WDR72: variants seen among roughly 807,000 people sequenced by gnomAD.
WDR72 encodes WD repeat domain 72.
A neutral mutation model predicts 124.2 loss-of-function variants in WDR72; 120 were observed. The ratio of observed to expected loss-of-function variants is 0.97; its 90% confidence interval spans 0.83 to 1.12. WDR72 has a LOEUF of 1.12. Among genes scored for constraint, WDR72 ranks in the 50% most tolerant of loss-of-function variants. The pLI, the probability that WDR72 is intolerant of heterozygous loss-of-function variation, is 0.00. For synonymous variants in WDR72, 452 were observed against 441.7 expected (o/e 1.02, Z -0.29); for missense variants, 1,387 against 1,278.8 (o/e 1.08, Z -1.29).
chr15:53,558,895 T>C (rs532110997), intron 18 of WDR72, among the ~76,000 whole-genome samples: 5 of 152,116 alleles, frequency 3.3e-5, no homozygotes, highest in African/African-American at 1.2e-4. Flanking sequence ...TTAATGAAAC[T>C]TAACTTTTTA....
chr15:53,584,615 G>A (rs1489480528), intron 18 of WDR72, among the ~76,000 whole-genome samples: 1 of 152,018 alleles, frequency 6.6e-6, no homozygotes. Context: ...GCTTTTGTCA[G>A]TTTCTGCTTT....
rs560339528 is a variant in WDR72, at chr15:53,695,235, A to G, written c.1765+4515T>C. Among the ~76,000 whole-genome samples, 13 of 152,376 alleles carry G rather than the reference A, an allele frequency of 8.5e-5. No homozygotes were observed. The South Asian group carries it at 1.9e-3, about 22-fold the overall frequency. On this transcript the variant is annotated intron_variant, in intron 13 of 19. Transcript: ENST00000360509. ...AACAGAAGACCTTCAACAGAAAGTT[A>G]CATTAATAACACACAAGAAATTCAT...
At chr15:53,533,249 T>A (rs961388812) in intron 18 of WDR72, among the ~76,000 whole-genome samples, 10 of 152,090 alleles carry the variant, frequency 6.6e-5, no homozygotes, top group Non-Finnish European at 1.3e-4. Flanking sequence ...TAAGAGTATC[T>A]CAAGAAGAGA....
intron 6 of WDR72, among the ~76,000 whole-genome samples, chr15:53,714,118 G>A (rs1437448056): frequency 1.3e-5 from 2 of 151,760 alleles, no homozygotes; most frequent in African/African-American, 4.8e-5. Context: ...GAAAAAAGGG[G>A]GATTTCCTCT....
chr15:53,735,939 T>TA (rs60176003), intron 1 of WDR72, among the ~76,000 whole-genome samples: 10,865 of 151,918 alleles, frequency 0.072, 758 homozygotes, highest in African/African-American at 0.19. Flanking sequence ...ACATAATCGT[T>TA]AAAATATAAC....
At chr15:53,626,771 C>T (rs1024099602) in intron 14 of WDR72, among the ~76,000 whole-genome samples, 2 of 152,134 alleles carry the variant, frequency 1.3e-5, no homozygotes, top group Non-Finnish European at 2.9e-5. Flanking sequence ...GTTGCAAGCT[C>T]CATGTTTAAA....
At chr15:53,604,485 T>C (rs563457432) in intron 17 of WDR72, among the ~76,000 whole-genome samples, 2 of 152,298 alleles carry the variant, frequency 1.3e-5, no homozygotes, top group African/African-American at 4.8e-5. Flanking sequence ...GCAAATGGGA[T>C]CTAATTAAAC....
intron 18 of WDR72, among the ~76,000 whole-genome samples, chr15:53,541,541 GA>G (rs869032535): frequency 6.6e-6 from 1 of 151,464 alleles, no homozygotes; most frequent in African/African-American, 2.4e-5. Flanking sequence ...CAAAGATGGG[GA>G]AAAAACAGAA....
chr15:53,755,968 A>G lies in WDR72; in HGVS notation c.-13+3665T>C, dbSNP rs538232325. Among the ~76,000 whole-genome samples the G allele has an allele frequency of 3.9e-5, 6 of 152,372 alleles. No homozygotes were observed. The South Asian group carries it at 6.2e-4, about 16-fold the overall frequency. Reference sequence around the variant, plus strand: ...AATTCATTATTCCTCTTAACATAAGAAAGTGGTAACAAAGAAAGTAGGAGT... The same window carrying G: ...AATTCATTATTCCTCTTAACATAAGGAAGTGGTAACAAAGAAAGTAGGAGT... On this transcript the variant is annotated intron_variant, in intron 1 of 19. Transcript: ENST00000360509.
chr15:53,677,455 G>T (rs561954071), intron 13 of WDR72, among the ~76,000 whole-genome samples: 34 of 152,234 alleles, frequency 2.2e-4, no homozygotes, highest in African/African-American at 7.7e-4. Flanking sequence ...ATATGATTTG[G>T]CTCTGTCCCC....
intron 13 of WDR72, among the ~76,000 whole-genome samples, chr15:53,671,012 T>C (rs2015966609): frequency 6.6e-6 from 1 of 152,152 alleles, no homozygotes; most frequent in Non-Finnish European, 1.5e-5. Flanking sequence ...CAGAGTAGGA[T>C]TATATATTTG....
At chr15:53,572,967 G>C (rs1277419452) in intron 18 of WDR72, among the ~76,000 whole-genome samples, 1 of 152,200 alleles carries the variant, frequency 6.6e-6, no homozygotes, top group African/African-American at 2.4e-5. Context: ...GGAAGCAGTA[G>C]AATGTTGCTT....
intron 18 of WDR72, among the ~76,000 whole-genome samples, chr15:53,539,089 A>G (rs1892927625): frequency 6.6e-6 from 1 of 152,206 alleles, no homozygotes; most frequent in African/African-American, 2.4e-5. Flanking sequence ...AAATAAAGTA[A>G]CATACTTAAA....
intron 13 of WDR72, among the ~76,000 whole-genome samples, chr15:53,677,934 A>G (rs2016233946): frequency 6.6e-6 from 1 of 152,208 alleles, no homozygotes; most frequent in South Asian, 2.1e-4. Context: ...AAGATCAGGA[A>G]GAATAAGTGA....
intron 18 of WDR72, among the ~76,000 whole-genome samples, chr15:53,577,280 A>G (rs1343773652): frequency 6.6e-6 from 1 of 152,168 alleles, no homozygotes; most frequent in Non-Finnish European, 1.5e-5. Context: ...CTCATTTAAG[A>G]TATTTGATAT....
chr15:53,664,879 T>C (rs2015724984), intron 14 of WDR72, among the ~76,000 whole-genome samples: 1 of 152,162 alleles, frequency 6.6e-6, no homozygotes, highest in South Asian at 2.1e-4. Context: ...AATATGTTTA[T>C]ATGAAAAAAT....
chr15:53,526,509 T>C (rs2140220016), intron 18 of WDR72, among the ~76,000 whole-genome samples: 1 of 152,234 alleles, frequency 6.6e-6, no homozygotes, highest in South Asian at 2.1e-4. Flanking sequence ...GAGCTTTTTC[T>C]AAATTGCTGC....
intron 13 of WDR72, among the ~76,000 whole-genome samples, chr15:53,683,435 A>G (rs903555430): frequency 2.6e-5 from 4 of 152,186 alleles, no homozygotes; most frequent in African/African-American, 7.2e-5. Flanking sequence ...CATATAAGAA[A>G]GTATCACTTG....
At chr15:53,706,375 T>TACAC in intron 9 of WDR72, among the ~76,000 whole-genome samples, 1 of 115,792 alleles carries the variant, frequency 8.6e-6, no homozygotes, top group African/African-American at 4.7e-5. Flanking sequence ...TATATATATA[T>TACAC]ATATATATAT....
Sources: gnomAD v4.1 joint callset for allele counts (sites outside exome capture counted in the v4.1 genomes callset) on GRCh38, gnomAD v4.1.1 for gene constraint, MANE v1.5 for transcripts, NCBI Gene and HGNC (gene_info 2026-07-23, HGNC 2026-07-21) for gene names.